Variants in POLR3GL observed in about 807,000 individuals in gnomAD.
The protein encoded by POLR3GL is DNA-directed RNA polymerase III subunit RPC7-like.
In POLR3GL, 26 loss-of-function variants were observed where a neutral mutation model predicts 32.4. The ratio of observed to expected loss-of-function variants is 0.80; its 90% confidence interval spans 0.59 to 1.11. POLR3GL has a LOEUF of 1.11. Ranked by LOEUF, POLR3GL falls within the 50% of genes most tolerant of loss-of-function variation. The probability of loss-of-function intolerance (pLI) is 0.00; values close to 1 mark genes in which losing one functional copy is unlikely to be tolerated. For missense variants in POLR3GL, 229 were observed against 280.1 expected (o/e 0.82, Z 1.30); for synonymous variants, 95 against 98.7 (o/e 0.96, Z 0.22).
chr1:145,978,163 C>CT, intron 7 of POLR3GL, 67 bp downstream of exon 7: 1 of 1,554,330 alleles, frequency 6.4e-7, no homozygotes, highest in South Asian at 1.2e-5. Flanking sequence ...TTGCTCTCCT[C>CT]AGAGGGTTGG....
rs781898190 is a variant in POLR3GL at position 145,978,031 on chromosome 1, AAAGAAG to A, written c.516_521del (p.Glu173_Glu174del). 3.7e-6 allele frequency: 6 copies of A among 1,602,552 alleles called. No homozygotes were observed. The highest frequency in any genetic ancestry group is 2.2e-5 in the East Asian group (1 of 44,800). ...AGTAACTTCAGAGGAGGATGAGGAG[AAAGAAG>A]AAGAAGAAGAGAAGGAAGAGGAGGA... On this transcript the variant is annotated inframe_deletion, in exon 7 of 8. Transcript: ENST00000369314.
chr1:145,971,181 A>C (rs1467107728), intron 1 of POLR3GL, among the ~76,000 whole-genome samples: 1 of 65,182 alleles, frequency 1.5e-5, no homozygotes, highest in African/African-American at 7.3e-5. Context: ...GCGAAACTCC[A>C]TCTCAAAAAA....
chr1:145,974,533 A>G (rs1650462223), intron 1 of POLR3GL, among the ~76,000 whole-genome samples: 1 of 152,212 alleles, frequency 6.6e-6, no homozygotes, highest in South Asian at 2.1e-4. Flanking sequence ...AAATGCAGAT[A>G]GAGATAAACA....
rs1650503156 is a variant in POLR3GL, at chr1:145,975,338, C to G, written c.158C>G (p.Ser53Ter). 4 of 1,614,084 alleles carry G rather than the reference C, an allele frequency of 2.5e-6. No individual in the cohort carries two copies. Among genetic ancestry groups the G allele is most frequent in the Non-Finnish European group, 2.5e-6 (3 of 1,180,004 alleles). ...PLEFRPVPLP[S>*]GEEGEYVLAL... ...GAGTTCCGCCCAGTACCTTTGCCCT[C>G]AGGCGAGGAAGGGGAATATGTCCTG... The change falls in exon 3 of 8, where the codon TCA becomes TGA. Residue 53 changes from serine (S) to a stop codon, truncating the protein, a stop_gained. Transcript: ENST00000369314. LOFTEE classifies it high-confidence loss of function.
intron 1 of POLR3GL, among the ~76,000 whole-genome samples, chr1:145,969,088 G>A (rs782636785): frequency 3.3e-5 from 5 of 151,748 alleles, no homozygotes; most frequent in Admixed American, 2.6e-4. Flanking sequence ...ATTCTGTTAC[G>A]ACATTTAAAT....
chr1:145,965,927 C>T (rs1553761976), intron 1 of POLR3GL, among the ~76,000 whole-genome samples: 1 of 149,798 alleles, frequency 6.7e-6, no homozygotes, highest in South Asian at 2.1e-4. Flanking sequence ...ACCAGCCTGA[C>T]CAACGTGGAG....
chr1:145,976,957 ACCCCCTGGGCTCT>A, intron 3 of POLR3GL, 114 bp from the exon 4 acceptor site: 4 of 709,380 alleles, frequency 5.6e-6, no homozygotes, highest in Non-Finnish European at 9.9e-6. Context: ...ACTGAAGCTG[ACCCCCTGGGCTCT>A]GGGTTTGGGG....
chr1:145,971,626 T>G (rs1003494552), intron 1 of POLR3GL, among the ~76,000 whole-genome samples: 2 of 152,088 alleles, frequency 1.3e-5, no homozygotes, highest in African/African-American at 4.8e-5. Context: ...TGAAGTAGTG[T>G]TTTTCTGGTC....
At chr1:145,978,190 G>A (rs1553763825) in intron 7 of POLR3GL, 94 bp downstream of exon 7, 3 of 1,524,068 alleles carry the variant, frequency 2.0e-6, no homozygotes, top group African/African-American at 2.8e-5. Context: ...AACAGAGATA[G>A]TGCCCCCCAG....
At chr1:145,965,408 A>T (rs1649972565) in intron 1 of POLR3GL, among the ~76,000 whole-genome samples, 1 of 152,254 alleles carries the variant, frequency 6.6e-6, no homozygotes. Flanking sequence ...AGTGGTTCAT[A>T]ATATTAGTGT....
intron 1 of POLR3GL, among the ~76,000 whole-genome samples, chr1:145,970,599 C>T (rs915496000): frequency 6.6e-6 from 1 of 151,948 alleles, no homozygotes; most frequent in Non-Finnish European, 1.5e-5. Flanking sequence ...ATTGGCCGGC[C>T]GCGGTGACTC....
At chr1:145,971,992 ATATAT>A (rs1650336278) in intron 1 of POLR3GL, among the ~76,000 whole-genome samples, 2 of 45,470 alleles carry the variant, frequency 4.4e-5, no homozygotes, top group Middle Eastern at 0.01. Context: ...AAAAAAAAAT[ATATAT>A]ATATATATAT....
chr1:145,976,542 A>C (rs1553763425), intron 3 of POLR3GL, among the ~76,000 whole-genome samples: 1 of 150,938 alleles, frequency 6.6e-6, no homozygotes, highest in Admixed American at 6.6e-5. Flanking sequence ...ACGCCACTGC[A>C]CTCCAGCCCA....
chr1:145,977,643 A>C, intron 5 of POLR3GL, 104 bp downstream of exon 5: 1 of 1,316,428 alleles, frequency 7.6e-7, no homozygotes, highest in Non-Finnish European at 1.1e-6. Flanking sequence ...CCTATACCCA[A>C]TCTACCAAGT....
intron 2 of POLR3GL, 128 bp from the exon 3 acceptor site, chr1:145,975,179 T>G: frequency 7.4e-7 from 1 of 1,352,334 alleles, no homozygotes; most frequent in South Asian, 1.4e-5. Context: ...CAAAATAATA[T>G]GTTACTCCCT....
At chr1:145,974,748 AT>A (rs1420101267) in intron 1 of POLR3GL, 76 bp from the exon 2 acceptor site, 24 of 1,004,044 alleles carry the variant, frequency 2.4e-5, no homozygotes, top group Non-Finnish European at 3.3e-5. Flanking sequence ...GAGATAAAAG[AT>A]TGAATGTCTT....
intron 1 of POLR3GL, among the ~76,000 whole-genome samples, chr1:145,965,844 G>A (rs1156542616): frequency 6.6e-6 from 1 of 152,168 alleles, no homozygotes. Flanking sequence ...GGCTGGGCAC[G>A]GTGGCTCATG....
chr1:145,973,615 G>C (rs1460927552), intron 1 of POLR3GL, among the ~76,000 whole-genome samples: 1 of 152,028 alleles, frequency 6.6e-6, no homozygotes, highest in East Asian at 1.9e-4. Context: ...AGGAAGCTGA[G>C]GCAGGAGGAT....
chr1:145,965,255 A>C (rs1649966505), intron 1 of POLR3GL, among the ~76,000 whole-genome samples: 1 of 152,212 alleles, frequency 6.6e-6, no homozygotes, highest in African/African-American at 2.4e-5. Context: ...CTAGTAGTTA[A>C]TATATAGTGC....
Sources: allele counts gnomAD v4.1 joint callset (sites outside exome capture counted in the v4.1 genomes callset), GRCh38; gene constraint gnomAD v4.1.1; transcripts MANE v1.5; gene names NCBI Gene and HGNC (gene_info 2026-07-23, HGNC 2026-07-21).